Variants in SAMD4A observed in about 807,000 individuals in gnomAD.
SAMD4A encodes protein Smaug homolog 1.
Under a neutral mutation model 81.3 loss-of-function variants are expected in SAMD4A, and 33 were observed. The observed-to-expected ratio is 0.41, with a 90% CI of 0.31 to 0.54. The LOEUF (loss-of-function observed/expected upper bound fraction) is 0.54, where lower values mean the gene tolerates loss of function less well. SAMD4A is among the 20% of genes least tolerant of loss of function. The pLI, the probability that SAMD4A is intolerant of heterozygous loss-of-function variation, is 0.37. For missense variants in SAMD4A, 854 were observed against 951.1 expected, an observed-to-expected ratio of 0.90 and a Z score of 1.34; for synonymous variants, 389 against 382.1, an observed-to-expected ratio of 1.02 and a Z score of -0.21.
chr14:54,702,082 C>G lies in SAMD4A; in HGVS notation c.217C>G (p.Gln73Glu). 1 of 1,614,040 alleles carries G rather than the reference C, an allele frequency of 6.2e-7. No individual in the cohort carries two copies. The highest frequency in any genetic ancestry group is 8.5e-7 in the Non-Finnish European group (1 of 1,179,926). The change falls in exon 3 of 13, where the codon CAG becomes GAG. Residue 73 changes from glutamine to glutamate, a missense_variant. Gln to Glu is a conservative substitution (Grantham distance 29, BLOSUM62 2). Around this residue, in one of 3 missense-constraint regions of SAMD4A, gnomAD observed 387 missense variants for 405.8 expected, o/e 0.95. Coordinates refer to ENST00000554335, the MANE Select transcript of SAMD4A (RefSeq NM_015589.6). ...TTCAGGAATCATTAACCAATGGCAA[C>G]AGGAATCCAAGGATAAAGTGATTTC... The part of the protein sequence containing the change: ...NSPGIINQWQ[Q>E]ESKDKVISLL...
intron 11 of SAMD4A, among the ~76,000 whole-genome samples, chr14:54,783,354 T>C (rs2039050281): frequency 6.6e-6 from 1 of 152,108 alleles, no homozygotes; most frequent in Non-Finnish European, 1.5e-5. Flanking sequence ...GTTGAGGACA[T>C]TTAAAGTCGC....
At chr14:54,741,379 C>T (rs753481741) in intron 4 of SAMD4A, among the ~76,000 whole-genome samples, 4 of 152,216 alleles carry the variant, frequency 2.6e-5, no homozygotes, top group East Asian at 1.9e-4. Flanking sequence ...AAACCCAACA[C>T]GCTAAGACTT....
chr14:54,737,010 A>AT lies in SAMD4A; in HGVS notation c.716-5dup, dbSNP rs543681106. 7.9e-4 allele frequency: 1,252 copies of AT among 1,591,090 alleles called. 2 individuals carry two copies. In the African/African-American group the frequency reaches 0.011, roughly 14 times the overall value. On this transcript the variant is annotated splice_polypyrimidine_tract_variant and intron_variant, in intron 3 of 12. Transcript: ENST00000554335. ...GGGGGGGAATAACCTATTTCATTTT[A>AT]TTTTTTTTTCCAGTTCTCTCAGGCC...
intron 2 of SAMD4A, among the ~76,000 whole-genome samples, chr14:54,656,887 G>A (rs1594778035): frequency 1.3e-5 from 2 of 152,228 alleles, no homozygotes; most frequent in Middle Eastern, 3.4e-3. Flanking sequence ...GATTACAGGC[G>A]TGAGCCATGA....
chr14:54,696,800 A>G (rs2036588706), intron 2 of SAMD4A: 1 of 152,220 alleles, frequency 6.6e-6, no homozygotes, highest in African/African-American at 2.4e-5. Context: ...ATCCACATTA[A>G]ACATCCATGT....
intron 2 of SAMD4A, among the ~76,000 whole-genome samples, chr14:54,579,272 C>T (rs1008364920): frequency 1.3e-5 from 2 of 152,224 alleles, no homozygotes; most frequent in Non-Finnish European, 2.9e-5. Flanking sequence ...GAGTCAAGCA[C>T]ACTGTAAGTG....
At chr14:54,677,782 G>T (rs966518663) in intron 2 of SAMD4A, among the ~76,000 whole-genome samples, 1 of 152,122 alleles carries the variant, frequency 6.6e-6, no homozygotes, top group Admixed American at 6.5e-5. Flanking sequence ...AAAATATTTG[G>T]CTTTGAAGAA....
intron 10 of SAMD4A, among the ~76,000 whole-genome samples, chr14:54,775,949 C>T (rs1010220570): frequency 6.0e-5 from 9 of 149,452 alleles, no homozygotes; most frequent in Non-Finnish European, 8.9e-5. Flanking sequence ...CTGAGTTGTG[C>T]CAGCTCATTG....
intron 3 of SAMD4A, among the ~76,000 whole-genome samples, chr14:54,709,223 C>A (rs2036930134): frequency 6.6e-6 from 1 of 151,202 alleles, no homozygotes; most frequent in Admixed American, 6.6e-5. Flanking sequence ...GTTGCAGTGA[C>A]CCGAGATCAC....
intron 3 of SAMD4A, among the ~76,000 whole-genome samples, chr14:54,718,461 T>C (rs1566601828): frequency 2.0e-5 from 3 of 152,220 alleles, no homozygotes; most frequent in Non-Finnish European, 4.4e-5. Flanking sequence ...ACTCAAGAGC[T>C]GTACTCTCAA....
At chr14:54,624,251 G>A (rs2034691953) in intron 2 of SAMD4A, among the ~76,000 whole-genome samples, 1 of 152,248 alleles carries the variant, frequency 6.6e-6, no homozygotes, top group South Asian at 2.1e-4. Context: ...GGGATTACAG[G>A]CGCAAGCCAC....
chr14:54,663,893 G>T (rs1177669561), intron 2 of SAMD4A, among the ~76,000 whole-genome samples: 1 of 152,214 alleles, frequency 6.6e-6, no homozygotes. Flanking sequence ...CATCAGCTCA[G>T]TTGGGGGCCT....
Position 54,647,245 on chromosome 14 carries a change from C to A in SAMD4A, c.197-54817C>A, listed in dbSNP as rs574190926. On this transcript the variant is annotated intron_variant, in intron 2 of 12. Coordinates refer to ENST00000554335, the MANE Select transcript of SAMD4A (RefSeq NM_015589.6). Reference sequence around the variant, plus strand: ...TTAATGAGTGGTCATTATGAACCAACCATTGCTAATTGATTTGCAGGTGTC... The same window carrying A: ...TTAATGAGTGGTCATTATGAACCAAACATTGCTAATTGATTTGCAGGTGTC... Among the ~76,000 whole-genome samples the A allele has an allele frequency of 2.6e-5, 4 of 152,262 alleles. No homozygotes were observed. In the East Asian group the frequency reaches 7.7e-4, roughly 29 times the overall value.
upstream of SAMD4A, among the ~76,000 whole-genome samples, chr14:54,566,547 G>A (rs1026960376): frequency 3.3e-5 from 5 of 151,776 alleles, no homozygotes; most frequent in Non-Finnish European, 7.4e-5. Context: ...GCTGTCGTTG[G>A]GGGGCGTGTG....
chr14:54,783,729 TC>T (rs2039062179), intron 11 of SAMD4A, among the ~76,000 whole-genome samples: 1 of 152,182 alleles, frequency 6.6e-6, no homozygotes, highest in Non-Finnish European at 1.5e-5. Context: ...ACTTCACCTC[TC>T]TGAACCCCAC....
chr14:54,694,762 C>T, intron 2 of SAMD4A: 1 of 985,452 alleles, frequency 1.0e-6, no homozygotes. Context: ...CTAACCCTAA[C>T]TTGAGTCCTT....
At chr14:54,749,497 T>C (rs1434088850) in intron 5 of SAMD4A, among the ~76,000 whole-genome samples, 2 of 152,228 alleles carry the variant, frequency 1.3e-5, no homozygotes, top group Non-Finnish European at 2.9e-5. Context: ...GAGTAAATTA[T>C]ACAAAATATT....
intron 2 of SAMD4A, among the ~76,000 whole-genome samples, chr14:54,577,784 G>A (rs187915548): frequency 2.0e-5 from 3 of 151,646 alleles, no homozygotes; most frequent in Non-Finnish European, 3.0e-5. Flanking sequence ...ACAGAATGGC[G>A]GGGGGGCACT....
chr14:54,710,015 A>G (rs1258043506), intron 3 of SAMD4A, among the ~76,000 whole-genome samples: 1 of 152,160 alleles, frequency 6.6e-6, no homozygotes. Flanking sequence ...TACAGCTACA[A>G]ATGAAACTTG....
Sources: allele counts gnomAD v4.1 joint callset (sites outside exome capture counted in the v4.1 genomes callset), GRCh38; gene constraint gnomAD v4.1.1; regional missense constraint gnomAD v4.1.1; transcripts MANE v1.5; gene names NCBI Gene and HGNC (gene_info 2026-07-23, HGNC 2026-07-21).